The following ANKS1A variants were observed in gnomAD, a reference collection of about 807,000 sequenced individuals.
ANKS1A encodes the protein ankyrin repeat and SAM domain-containing protein 1A.
ANKS1A carries 55 observed loss-of-function variants against 120.3 expected under a neutral mutation model. The ratio of observed to expected loss-of-function variants is 0.46; its 90% confidence interval spans 0.37 to 0.57. The LOEUF is 0.57. Ranked by LOEUF, ANKS1A falls within the 20% of genes least tolerant of loss-of-function variation. The pLI is 0.00. For missense variants in ANKS1A, 1,123 were observed against 1,480.3 expected (o/e 0.76, Z 3.96); for synonymous variants, 590 against 604.7 (o/e 0.98, Z 0.36).
intron 10 of ANKS1A, among the ~76,000 whole-genome samples, chr6:35,000,250 G>GAA (rs199687038): frequency 7.4e-5 from 8 of 107,608 alleles, no homozygotes; most frequent in Admixed American, 1.9e-4. Flanking sequence ...CTTTGCTAAT[G>GAA]AAAAAAAAAA....
intron 1 of ANKS1A, among the ~76,000 whole-genome samples, chr6:34,892,976 A>G (rs762097199): frequency 2.6e-5 from 4 of 152,200 alleles, no homozygotes; most frequent in Non-Finnish European, 5.9e-5. Flanking sequence ...ATAGCATTAT[A>G]CTGTCCACTT....
intron 1 of ANKS1A, among the ~76,000 whole-genome samples, chr6:34,941,900 G>A (rs947690527): frequency 2.6e-5 from 4 of 152,170 alleles, no homozygotes; most frequent in Admixed American, 2.6e-4. Flanking sequence ...CAGAGCCAGA[G>A]GAAATGATAC....
At chr6:35,054,638 C>T (rs557187696) in intron 12 of ANKS1A, among the ~76,000 whole-genome samples, 1 of 152,272 alleles carries the variant, frequency 6.6e-6, no homozygotes, top group South Asian at 2.1e-4. Context: ...TTCCTCTTCC[C>T]ACAGCTCCTT....
intron 1 of ANKS1A, among the ~76,000 whole-genome samples, chr6:34,912,505 A>G (rs1247664769): frequency 2.0e-5 from 3 of 152,206 alleles, no homozygotes; most frequent in Non-Finnish European, 4.4e-5. Flanking sequence ...TGGCCTGCCC[A>G]GAGGTTCAAC....
At chr6:34,999,813 G>T (rs1014600929) in intron 10 of ANKS1A, among the ~76,000 whole-genome samples, 1 of 151,936 alleles carries the variant, frequency 6.6e-6, no homozygotes, top group Non-Finnish European at 1.5e-5. Context: ...GCTGGCAGAG[G>T]CAAGGAAAGA....
At chr6:34,967,467 C>CAG (rs1770954513) in intron 2 of ANKS1A, 148 bp downstream of exon 2, 4 of 549,448 alleles carry the variant, frequency 7.3e-6, no homozygotes, top group Non-Finnish European at 1.2e-5. Context: ...GTGGGAGGAT[C>CAG]ACATGAAGCT....
chr6:34,942,662 G>C (rs1406879503), intron 1 of ANKS1A, among the ~76,000 whole-genome samples: 1 of 151,972 alleles, frequency 6.6e-6, no homozygotes, highest in African/African-American at 2.4e-5. Flanking sequence ...GTTGATTCAT[G>C]TCTTTTTTCA....
At chr6:34,928,807 C>G (rs1214697644) in intron 1 of ANKS1A, among the ~76,000 whole-genome samples, 1 of 152,192 alleles carries the variant, frequency 6.6e-6, no homozygotes, top group Non-Finnish European at 1.5e-5. Flanking sequence ...CCAGAGCTGC[C>G]ATTTTCAAGG....
At chr6:35,024,471 A>AT (rs1774509063) in intron 11 of ANKS1A, among the ~76,000 whole-genome samples, 1 of 152,238 alleles carries the variant, frequency 6.6e-6, no homozygotes, top group South Asian at 2.1e-4. Context: ...GGCTTAAATG[A>AT]TAAATTTGTG....
Position 35,000,148 on chromosome 6 carries a change from G to A in ANKS1A, c.1423+5726G>A, listed in dbSNP as rs562022067. Reference sequence around the variant, plus strand: ...CAGTGTAGTCAGTGTAAACAAGGGCGTATCCCGAAAGCACTGAGGCCTTCC... The same window carrying A: ...CAGTGTAGTCAGTGTAAACAAGGGCATATCCCGAAAGCACTGAGGCCTTCC... On this transcript the variant is annotated intron_variant, in intron 10 of 23. Transcript: ENST00000360359. 1.6e-4 allele frequency among the ~76,000 whole-genome samples: 25 copies of A among 151,908 alleles called. No individual in the cohort carries two copies. In the South Asian group the frequency reaches 5.0e-3, roughly 30 times the overall value.
At chr6:34,907,511 A>T (rs748203608) in intron 1 of ANKS1A, among the ~76,000 whole-genome samples, 1 of 152,132 alleles carries the variant, frequency 6.6e-6, no homozygotes. Context: ...TATATTTTTT[A>T]TCTGCGTTTG....
intron 13 of ANKS1A, among the ~76,000 whole-genome samples, chr6:35,062,757 C>T (rs1322009809): frequency 6.6e-6 from 1 of 152,186 alleles, no homozygotes; most frequent in African/African-American, 2.4e-5. Flanking sequence ...CCTCTCTGCC[C>T]GAATCCCTTC....
intron 1 of ANKS1A, among the ~76,000 whole-genome samples, chr6:34,894,080 C>T (rs1394093599): frequency 6.6e-6 from 1 of 152,160 alleles, no homozygotes; most frequent in Non-Finnish European, 1.5e-5. Flanking sequence ...ATAATACTAA[C>T]TCATTTTCTG....
intron 10 of ANKS1A, among the ~76,000 whole-genome samples, chr6:35,001,830 GA>G (rs34953038): frequency 3.3e-5 from 5 of 149,714 alleles, no homozygotes; most frequent in Admixed American, 1.3e-4. Context: ...TCAACCAGAG[GA>G]AAAAAAAAAT....
At chr6:35,040,255 A>G (rs1775390193) in intron 11 of ANKS1A, among the ~76,000 whole-genome samples, 1 of 152,244 alleles carries the variant, frequency 6.6e-6, no homozygotes, top group Non-Finnish European at 1.5e-5. Flanking sequence ...TACCTTGGTT[A>G]AACTATTTAG....
intron 13 of ANKS1A, among the ~76,000 whole-genome samples, chr6:35,072,247 C>A (rs972657834): frequency 2.0e-5 from 3 of 152,244 alleles, no homozygotes; most frequent in African/African-American, 7.2e-5. Flanking sequence ...GCCTCCTGCT[C>A]TCCCAGGACG....
the ANKS1A span, among the ~76,000 whole-genome samples, chr6:35,097,637 G>GA: frequency 0.013 from 1,184 of 89,682 alleles, 8 homozygotes; most frequent in African/African-American, 0.031. Flanking sequence ...AAAGCCAAAA[G>GA]AAAAAAAAAA....
chr6:34,978,680 C>G (rs1488692467), intron 3 of ANKS1A, among the ~76,000 whole-genome samples: 2 of 151,524 alleles, frequency 1.3e-5, no homozygotes, highest in African/African-American at 4.8e-5. Flanking sequence ...TGGCACATAT[C>G]TGTAATCCCA....
chr6:34,971,203 T>TG (rs1162212196), intron 3 of ANKS1A, among the ~76,000 whole-genome samples: 3 of 152,166 alleles, frequency 2.0e-5, no homozygotes, highest in Non-Finnish European at 4.4e-5. Flanking sequence ...TTCAGTGGAA[T>TG]GAAGATCATT....
Sources: gnomAD v4.1 joint callset for allele counts (sites outside exome capture counted in the v4.1 genomes callset) on GRCh38, gnomAD v4.1.1 for gene constraint, MANE v1.5 for transcripts, NCBI Gene and HGNC (gene_info 2026-07-23, HGNC 2026-07-21) for gene names.